Variants in MADD observed in about 807,000 individuals in gnomAD.
MADD encodes MAP kinase activating death domain, also known as MAP kinase-activating death domain protein.
In MADD, 109 loss-of-function variants were observed where a neutral mutation model predicts 176.7. That is an observed-to-expected ratio of 0.62 (90% CI 0.53 to 0.72). The LOEUF is 0.72. Ranked by LOEUF, MADD falls within the 30% of genes least tolerant of loss-of-function variation. MADD has a pLI of 0.00. For missense variants in MADD, 1,914 were observed against 2,045.5 expected, an observed-to-expected ratio of 0.94 and a Z score of 1.24; for synonymous variants, 771 against 771.3, an observed-to-expected ratio of 1.00 and a Z score of 0.01.
At chr11:47,305,000 T>G (rs1354566882) in intron 22 of MADD, among the ~76,000 whole-genome samples, 1 of 152,230 alleles carries the variant, frequency 6.6e-6, no homozygotes, top group African/African-American at 2.4e-5. Flanking sequence ...TGTAGCTTCT[T>G]CAGCTGCATT....
At chr11:47,289,331 C>A in intron 15 of MADD, 60 bp from the exon 17 acceptor site, 1 of 1,374,418 alleles carries the variant, frequency 7.3e-7, no homozygotes, top group Non-Finnish European at 1.0e-6. Context: ...TAGGGCTGTG[C>A]TGGCATGAGC....
At chr11:47,329,523 G>A (rs563189370) in exon 33 of MADD, 8 of 194,668 alleles carry the variant, frequency 4.1e-5, no homozygotes, top group Admixed American at 2.7e-4. Context: ...TCTGTGACCC[G>A]GCATGACTGG....
intron 22 of MADD, among the ~76,000 whole-genome samples, chr11:47,296,738 C>T (rs577754810): frequency 1.2e-4 from 18 of 150,208 alleles, no homozygotes; most frequent in African/African-American, 4.4e-4. Context: ...CTTTTTAGTC[C>T]TTGCCGTAGA....
intron 26 of MADD, among the ~76,000 whole-genome samples, chr11:47,312,051 T>A (rs1281514193): frequency 6.6e-6 from 1 of 152,150 alleles, no homozygotes; most frequent in Non-Finnish European, 1.5e-5. Context: ...CTGCTGAGGG[T>A]TCAGAAGGTG....
intron 23 of MADD, 22 bp downstream of exon 26, chr11:47,309,064 C>T (rs775114041): frequency 6.2e-7 from 1 of 1,613,200 alleles, no homozygotes. Context: ...TATTTGTGTG[C>T]TGTGTTCATC....
At chr11:47,293,323 A>C (rs1442390601) in intron 19 of MADD, among the ~76,000 whole-genome samples, 1 of 143,434 alleles carries the variant, frequency 7.0e-6, no homozygotes, top group Admixed American at 7.0e-5. Context: ...TTTTTTTGAG[A>C]TGGAGTCTTG....
At chr11:47,303,415 T>A (rs2079645961) in intron 22 of MADD, among the ~76,000 whole-genome samples, 1 of 152,026 alleles carries the variant, frequency 6.6e-6, no homozygotes, top group African/African-American at 2.4e-5. Flanking sequence ...TTTTTATGTA[T>A]TTTTAGTAGA....
intron 25 of MADD, among the ~76,000 whole-genome samples, chr11:47,310,244 C>T (rs1036289039): frequency 1.3e-5 from 2 of 151,752 alleles, no homozygotes; most frequent in Non-Finnish European, 1.5e-5. Flanking sequence ...TACAGTGGCA[C>T]GATCTTGGCT....
At chr11:47,310,538 G>C (rs772833557) in intron 25 of MADD, among the ~76,000 whole-genome samples, 1 of 151,932 alleles carries the variant, frequency 6.6e-6, no homozygotes, top group Admixed American at 6.6e-5. Flanking sequence ...TAGTTTTAGG[G>C]TGCCAATAGA....
intron 22 of MADD, among the ~76,000 whole-genome samples, chr11:47,304,431 A>T (rs2080850062): frequency 6.6e-6 from 1 of 152,022 alleles, no homozygotes; most frequent in Non-Finnish European, 1.5e-5. Flanking sequence ...GGGTTTCTCC[A>T]TGTTGCTTCG....
intron 22 of MADD, 46 bp from the exon 25 acceptor site, chr11:47,308,545 A>G (rs1209378253): frequency 2.1e-6 from 3 of 1,452,958 alleles, no homozygotes; most frequent in Admixed American, 3.4e-5. Context: ...CTTTGTCTCT[A>G]TTCATTGCTA....
chr11:47,327,397 T>G (rs536866082), intron 31 of MADD: 126 of 985,270 alleles, frequency 1.3e-4, no homozygotes, highest in Non-Finnish European at 1.5e-4. Flanking sequence ...TGTGCTTCAT[T>G]CTTTTGTGCC....
chr11:47,304,522 G>A (rs12575456), intron 22 of MADD, among the ~76,000 whole-genome samples: 59,350 of 151,834 alleles, frequency 0.39, 12,452 homozygotes, highest in East Asian at 0.69. Flanking sequence ...GAGCCCCCAC[G>A]CCTGGCCCTC....
At chr11:47,322,544 G>A (rs543821852) in intron 27 of MADD, among the ~76,000 whole-genome samples, 16 of 152,192 alleles carry the variant, frequency 1.1e-4, no homozygotes, top group South Asian at 8.3e-4. Context: ...CCTGGGAGGC[G>A]GAGCTTGCAG....
At chr11:47,329,188 G>A (rs760058069) in exon 33 of MADD, 58 of 1,469,250 alleles carry the variant, frequency 3.9e-5, no homozygotes, top group Middle Eastern at 1.8e-4. Context: ...CCCAGGGCAC[G>A]CCCCTGGCCC....
chr11:47,324,728 C>T lies in MADD; in HGVS notation c.4542+151C>T, dbSNP rs1186084458. ...GCAGCTGGACCCAGGAAAGAAACCC[C>T]AGGGGAGGGCACAGTGACGTTGGCG... On this transcript the variant is annotated intron_variant, in intron 30 of 32. Transcript: ENST00000402192. 3 of 714,944 alleles carry T rather than the reference C, an allele frequency of 4.2e-6. No homozygotes were observed. In the African/African-American group the frequency reaches 5.2e-5, roughly 12 times the overall value. 44.3% of individuals were successfully genotyped at this position (714,944 alleles called of 1,614,324 possible).
At position 47,295,483 on chromosome 11, in the gene MADD, T is replaced by A; in HGVS notation, c.3403-13T>A. Reference sequence around the variant, plus strand: ...TTGGACACCTCCCCTAATGTTCCTGTGTCTTGTTTCAGAGGACTGATCAAG... The same window carrying A: ...TTGGACACCTCCCCTAATGTTCCTGAGTCTTGTTTCAGAGGACTGATCAAG... On this transcript the variant is annotated splice_polypyrimidine_tract_variant and intron_variant, in intron 20 of 32. Transcript: ENST00000402192. The A allele has an allele frequency of 6.2e-7, 1 of 1,606,932 alleles. No individual in the cohort carries two copies. Among genetic ancestry groups the A allele is most frequent in the African/African-American group, 1.3e-5 (1 of 74,866 alleles).
chr11:47,290,550 A>G, intron 18 of MADD, 60 bp from the exon 20 acceptor site: 1 of 1,528,088 alleles, frequency 6.5e-7, no homozygotes, highest in South Asian at 1.2e-5. Flanking sequence ...CTCCCACCTC[A>G]TATCTGCGCC....
chr11:47,297,767 C>A (rs896012858), intron 22 of MADD, among the ~76,000 whole-genome samples: 2 of 139,110 alleles, frequency 1.4e-5, no homozygotes, highest in African/African-American at 5.3e-5. Context: ...ATAATGTTTT[C>A]TTTTCTTTTC....
Sources: allele counts gnomAD v4.1 joint callset (sites outside exome capture counted in the v4.1 genomes callset), GRCh38; gene constraint gnomAD v4.1.1; transcripts MANE v1.5; gene names NCBI Gene and HGNC (gene_info 2026-07-23, HGNC 2026-07-21).